The following ATP10B variants were observed in gnomAD, a reference collection of about 807,000 sequenced individuals.
ATP10B encodes the protein phospholipid-transporting ATPase VB.
A neutral mutation model predicts 141.2 loss-of-function variants in ATP10B; 122 were observed. The observed-to-expected ratio is 0.86, with a 90% confidence interval of 0.75 to 1.00. The LOEUF is 1.00. Among genes scored for constraint, ATP10B ranks in the 50% least tolerant of loss-of-function variants. The pLI, the probability that ATP10B is intolerant of heterozygous loss-of-function variation, is 0.00. For synonymous variants in ATP10B, 685 were observed against 692.0 expected (o/e 0.99, Z 0.16); for missense variants, 1,876 against 1,825.3 (o/e 1.03, Z -0.51).
chr5:160,812,033 A>G (rs904806387), intron 1 of ATP10B, among the ~76,000 whole-genome samples: 2 of 133,510 alleles, frequency 1.5e-5, no homozygotes, highest in South Asian at 2.4e-4. Context: ...AGAGAGAGAG[A>G]GAGAGAGAGA....
the ATP10B span, among the ~76,000 whole-genome samples, chr5:160,893,092 T>C: frequency 0.56 from 85,166 of 151,960 alleles, 25,346 homozygotes; most frequent in Non-Finnish European, 0.66. Flanking sequence ...CACCAGGGCC[T>C]TGGGTTTCAA....
chr5:160,801,713 A>C (rs1772378513), intron 1 of ATP10B, among the ~76,000 whole-genome samples: 1 of 152,214 alleles, frequency 6.6e-6, no homozygotes, highest in Admixed American at 6.5e-5. Context: ...GGAAGAGCTC[A>C]ACCACTCACC....
chr5:160,876,683 TA>T, the ATP10B span, among the ~76,000 whole-genome samples: 1 of 151,616 alleles, frequency 6.6e-6, no homozygotes, highest in Admixed American at 6.6e-5. Flanking sequence ...ATAGACACAA[TA>T]AAAAATGATA....
intron 19 of ATP10B, among the ~76,000 whole-genome samples, chr5:160,604,547 C>A (rs1216700177): frequency 6.6e-6 from 1 of 152,086 alleles, no homozygotes; most frequent in Non-Finnish European, 1.5e-5. Flanking sequence ...AGAGTGAAAT[C>A]ATCAGAAATT....
the ATP10B span, among the ~76,000 whole-genome samples, chr5:160,882,520 G>T: frequency 6.6e-6 from 1 of 152,094 alleles, no homozygotes; most frequent in African/African-American, 2.4e-5. Context: ...GGCCTCAAGT[G>T]ATCCTTCTGC....
In ATP10B at chr5:160,604,013, A is replaced by G; in HGVS notation, c.3189T>C (p.Ile1063=). 1.2e-6 allele frequency: 2 copies of G among 1,613,978 alleles called. No individual in the cohort carries two copies. Among genetic ancestry groups the G allele is most frequent in the Non-Finnish European group, 1.7e-6 (2 of 1,179,956 alleles). The change falls in exon 20 of 26, where the codon ATT becomes ATC. Residue 1063 remains isoleucine (I), a synonymous_variant. Transcript: ENST00000327245. ...IGDGANDVSM[I]QAADIGIGIS... is the part of the protein sequence containing the mutation. ...TTCCAATTCCAATATCAGCAGCTTG[A>G]ATCATGCTTACATCATTTGCTCCAT...
intron 3 of ATP10B, among the ~76,000 whole-genome samples, chr5:160,708,752 G>A (rs145140759): frequency 6.6e-6 from 1 of 152,256 alleles, no homozygotes; most frequent in African/African-American, 2.4e-5. Flanking sequence ...ATGTTCCTAT[G>A]GCACTGAGAC....
At position 160,771,808 on chromosome 5, in the gene ATP10B, T is replaced by C. The variant is rs563642176; in HGVS notation, c.-331+13751A>G. On this transcript the variant is annotated intron_variant, in intron 2 of 25. Transcript: ENST00000327245. ...AATGTATCTGTGGTAGGAAGGATTC[T>C]AAGATGGTCCTCAAGATTCCTGGCT... Among the ~76,000 whole-genome samples the C allele has an allele frequency of 4.6e-5, 7 of 152,380 alleles. No individual in the cohort carries two copies. In the South Asian group the frequency reaches 1.2e-3, roughly 27 times the overall value.
chr5:160,655,807 T>C (rs1761454654), intron 7 of ATP10B, among the ~76,000 whole-genome samples: 1 of 152,200 alleles, frequency 6.6e-6, no homozygotes, highest in African/African-American at 2.4e-5. Flanking sequence ...AGAGGAGTCA[T>C]GTGGGACAGT....
At chr5:160,914,112 T>C in the ATP10B span, among the ~76,000 whole-genome samples, 1 of 152,202 alleles carries the variant, frequency 6.6e-6, no homozygotes, top group African/African-American at 2.4e-5. Flanking sequence ...TCAATGTATA[T>C]GTCTACATAT....
chr5:160,913,567 C>A, the ATP10B span, among the ~76,000 whole-genome samples: 1 of 152,128 alleles, frequency 6.6e-6, no homozygotes, highest in Non-Finnish European at 1.5e-5. Context: ...ATCTACTTGG[C>A]CCAAATCTCC....
intron 7 of ATP10B, among the ~76,000 whole-genome samples, chr5:160,667,075 G>A (rs556408460): frequency 2.0e-5 from 3 of 152,194 alleles, no homozygotes; most frequent in Admixed American, 6.5e-5. Flanking sequence ...AAAATTAGCC[G>A]GGCGTGGTGG....
At chr5:160,665,772 A>G (rs1762283999) in intron 7 of ATP10B, among the ~76,000 whole-genome samples, 1 of 152,228 alleles carries the variant, frequency 6.6e-6, no homozygotes, top group Non-Finnish European at 1.5e-5. Flanking sequence ...AGAAGATGGT[A>G]AAAATGAGTG....
chr5:160,804,994 T>C (rs939784116), intron 1 of ATP10B, among the ~76,000 whole-genome samples: 1 of 152,172 alleles, frequency 6.6e-6, no homozygotes, highest in African/African-American at 2.4e-5. Flanking sequence ...CCTCAAATAT[T>C]GTATTTTCAA....
At chr5:160,782,438 TACACACAC>T (rs57112303) in intron 2 of ATP10B, among the ~76,000 whole-genome samples, 2,731 of 141,080 alleles carry the variant, frequency 0.019, 44 homozygotes, top group African/African-American at 0.037. Context: ...TCTTCCTCCA[TACACACAC>T]ACACACACAC....
intron 2 of ATP10B, among the ~76,000 whole-genome samples, chr5:160,767,940 A>G (rs1373990415): frequency 6.6e-6 from 1 of 152,100 alleles, no homozygotes. Flanking sequence ...TATTGGAAGT[A>G]AACTTTTTTC....
chr5:160,878,088 C>G, the ATP10B span, among the ~76,000 whole-genome samples: 19,974 of 145,308 alleles, frequency 0.14, 1,396 homozygotes, highest in African/African-American at 0.17. Flanking sequence ...AATCCTAAGC[C>G]AAAAGAACAA....
At chr5:160,623,008 G>A (rs932346963) in intron 13 of ATP10B, among the ~76,000 whole-genome samples, 3 of 152,086 alleles carry the variant, frequency 2.0e-5, no homozygotes, top group African/African-American at 7.2e-5. Context: ...ACCTTCAGGA[G>A]ATATCCATTG....
the ATP10B span, among the ~76,000 whole-genome samples, chr5:160,884,030 G>A: frequency 4.6e-5 from 7 of 152,208 alleles, no homozygotes; most frequent in East Asian, 1.9e-4. Context: ...TCAAATGAAC[G>A]AATTGTACAT....
Sources: gnomAD v4.1 joint callset for allele counts (sites outside exome capture counted in the v4.1 genomes callset) on GRCh38, gnomAD v4.1.1 for gene constraint, MANE v1.5 for transcripts, NCBI Gene and HGNC (gene_info 2026-07-23, HGNC 2026-07-21) for gene names.